The following QTMAN variants were observed in gnomAD, a reference collection of about 807,000 sequenced individuals.
QTMAN encodes tRNA-queuosine alpha-mannosyltransferase.
At chr2:144,008,766 G>A in the QTMAN span, among the ~76,000 whole-genome samples, 8 of 152,166 alleles carry the variant, frequency 5.3e-5, no homozygotes, top group African/African-American at 1.4e-4. Context: ...CTCAAAGAAC[G>A]TGTAAAATGG....
the QTMAN span, among the ~76,000 whole-genome samples, chr2:143,965,165 A>G: frequency 5.3e-5 from 8 of 151,838 alleles, no homozygotes; most frequent in South Asian, 1.7e-3. Context: ...TTTTTGGTTC[A>G]TTTGTAATAT....
the QTMAN span, among the ~76,000 whole-genome samples, chr2:144,111,465 T>C: frequency 6.6e-6 from 1 of 152,224 alleles, no homozygotes; most frequent in African/African-American, 2.4e-5. Context: ...GATGTTCACA[T>C]ATGGATCTTT....
chr2:144,270,820 A>G, the QTMAN span, among the ~76,000 whole-genome samples: 1 of 152,212 alleles, frequency 6.6e-6, no homozygotes. Flanking sequence ...CTTAAAGTAA[A>G]ACAAAAAAAT....
At chr2:144,125,420 AT>A in the QTMAN span, among the ~76,000 whole-genome samples, 3 of 152,012 alleles carry the variant, frequency 2.0e-5, no homozygotes, top group Admixed American at 2.0e-4. Context: ...AACTTAGGTA[AT>A]TACATTCTGC....
chr2:144,258,844 G>A, the QTMAN span, among the ~76,000 whole-genome samples: 1 of 152,224 alleles, frequency 6.6e-6, no homozygotes, highest in Non-Finnish European at 1.5e-5. Flanking sequence ...ACATAGAATA[G>A]CTTGTTTGTC....
chr2:144,080,595 C>T, the QTMAN span, among the ~76,000 whole-genome samples: 1 of 152,120 alleles, frequency 6.6e-6, no homozygotes, highest in Non-Finnish European at 1.5e-5. Context: ...AAGCCTCACA[C>T]AGATTAAAAT....
the QTMAN span, among the ~76,000 whole-genome samples, chr2:144,110,969 C>T: frequency 1.3e-5 from 2 of 152,238 alleles, no homozygotes; most frequent in Non-Finnish European, 2.9e-5. Context: ...CTATTTCCTA[C>T]ATTAAGAAAA....
the QTMAN span, among the ~76,000 whole-genome samples, chr2:144,126,429 T>C: frequency 6.6e-6 from 1 of 152,000 alleles, no homozygotes; most frequent in Non-Finnish European, 1.5e-5. Context: ...GAAAAACCAC[T>C]GCTATGAGCT....
chr2:144,075,966 A>G, the QTMAN span, among the ~76,000 whole-genome samples: 1 of 152,344 alleles, frequency 6.6e-6, no homozygotes, highest in Admixed American at 6.5e-5. Context: ...TGTCTTATGT[A>G]TGCCGGGTGC....
At chr2:143,955,461 C>T in the QTMAN span, among the ~76,000 whole-genome samples, 1 of 152,002 alleles carries the variant, frequency 6.6e-6, no homozygotes, top group Non-Finnish European at 1.5e-5. Context: ...AAATGAAATT[C>T]TCATACTCTT....
the QTMAN span, among the ~76,000 whole-genome samples, chr2:144,131,031 A>C: frequency 6.6e-6 from 1 of 152,006 alleles, no homozygotes; most frequent in Non-Finnish European, 1.5e-5. Context: ...AGTTTTTATC[A>C]ATCAGTAATA....
At chr2:144,104,037 C>T in the QTMAN span, among the ~76,000 whole-genome samples, 1 of 152,096 alleles carries the variant, frequency 6.6e-6, no homozygotes, top group African/African-American at 2.4e-5. Flanking sequence ...TTGCAGTGAG[C>T]CAAGACAGCA....
At chr2:143,970,597 G>T in the QTMAN span, 3 of 898,048 alleles carry the variant, frequency 3.3e-6, no homozygotes, top group Non-Finnish European at 5.6e-6. Flanking sequence ...TAATACTTAC[G>T]TTGTAGAGCT....
At chr2:143,952,160 T>C in the QTMAN span, 4 of 785,414 alleles carry the variant, frequency 5.1e-6, no homozygotes, top group African/African-American at 3.4e-5. Flanking sequence ...TAAAAATGCA[T>C]ATTGCTCTGT....
chr2:144,133,017 C>A, the QTMAN span, among the ~76,000 whole-genome samples: 1 of 142,246 alleles, frequency 7.0e-6, no homozygotes, highest in Admixed American at 7.6e-5. Flanking sequence ...CTAGGCTGAA[C>A]AGTGGTAGTT....
At chr2:144,182,863 T>A in the QTMAN span, among the ~76,000 whole-genome samples, 6 of 68,168 alleles carry the variant, frequency 8.8e-5, no homozygotes, top group Non-Finnish European at 1.5e-4. Flanking sequence ...TTATATATAA[T>A]ATATATATAT....
At chr2:144,122,399 G>C in the QTMAN span, among the ~76,000 whole-genome samples, 2 of 152,110 alleles carry the variant, frequency 1.3e-5, no homozygotes, top group Non-Finnish European at 2.9e-5. Flanking sequence ...TATTATAAGA[G>C]CTATTAATCA....
the QTMAN span, chr2:143,970,757 T>C: frequency 2.6e-6 from 4 of 1,514,164 alleles, no homozygotes; most frequent in South Asian, 3.4e-5. Context: ...ATCTTTATCA[T>C]GCTCCCTGGA....
At chr2:144,182,818 T>TATTATATATATAATATATATATAA in the QTMAN span, among the ~76,000 whole-genome samples, 21 of 60,064 alleles carry the variant, frequency 3.5e-4, 1 homozygote, top group Admixed American at 5.4e-4. Context: ...AATATATATA[T>TATTATATATATAATATATATATAA]TATATATATA....
Sources: gnomAD v4.1 joint callset for allele counts (sites outside exome capture counted in the v4.1 genomes callset) on GRCh38, gnomAD v4.1.1 for gene constraint, MANE v1.5 for transcripts, NCBI Gene and HGNC (gene_info 2026-07-23, HGNC 2026-07-21) for gene names.